Variants in CCDC88C observed in about 807,000 individuals in gnomAD.
CCDC88C encodes protein Daple.
Under a neutral mutation model 198.8 loss-of-function variants are expected in CCDC88C, and 131 were observed. That is an observed-to-expected ratio of 0.66 (90% CI 0.57 to 0.76). CCDC88C has a LOEUF of 0.76. Among genes scored for constraint, CCDC88C ranks in the 30% least tolerant of loss-of-function variants. CCDC88C has a pLI of 0.00. For synonymous variants in CCDC88C, 1,166 were observed against 1,114.7 expected (o/e 1.05, Z -0.92); for missense variants, 2,553 against 2,631.6 (o/e 0.97, Z 0.65).
chr14:91,301,467 G>T (rs1891279766), intron 20 of CCDC88C, among the ~76,000 whole-genome samples: 3 of 152,246 alleles, frequency 2.0e-5, no homozygotes, highest in Admixed American at 2.0e-4. Flanking sequence ...TATAATCCCA[G>T]CATTTTGGGA....
At chr14:91,348,900 C>G (rs1893665995) in intron 4 of CCDC88C, among the ~76,000 whole-genome samples, 1 of 152,040 alleles carries the variant, frequency 6.6e-6, no homozygotes, top group Admixed American at 6.6e-5. Flanking sequence ...ATCCTGTGAT[C>G]CCCACCCCTA....
At position 91,284,078 on chromosome 14, in the gene CCDC88C, A is replaced by G. The variant is rs1890308418; in HGVS notation, c.4442-561T>C. Among the ~76,000 whole-genome samples the G allele has an allele frequency of 6.6e-6, 1 of 152,236 alleles. No homozygotes were observed. The highest frequency in any genetic ancestry group is 2.1e-4 in the South Asian group (1 of 4,832). On this transcript the variant is annotated intron_variant, in intron 25 of 29. Transcript: ENST00000389857. This position sits in a 1 kb window ranked among gnomAD's most constrained non-coding sequence, Gnocchi z 4.1. ...ACCTTGTGTCTTGTGCTTTTCTGAA[A>G]TCTCTAACTTTTCTACCATGAACAT...
intron 3 of CCDC88C, among the ~76,000 whole-genome samples, chr14:91,392,528 A>G (rs546757177): frequency 6.6e-6 from 1 of 152,194 alleles, no homozygotes; most frequent in Non-Finnish European, 1.5e-5. Flanking sequence ...AGGCTTGTCA[A>G]AGTGGCTTTG....
At chr14:91,321,433 T>G (rs1252469769) in intron 12 of CCDC88C, 129 bp from the exon 13 acceptor site, 1 of 937,592 alleles carries the variant, frequency 1.1e-6, no homozygotes, top group African/African-American at 1.6e-5. Context: ...CTCCCACAGG[T>G]CAGCTGGGGA....
chr14:91,390,709 C>G (rs1885455900), intron 3 of CCDC88C, among the ~76,000 whole-genome samples: 1 of 152,206 alleles, frequency 6.6e-6, no homozygotes, highest in Non-Finnish European at 1.5e-5. Context: ...CATCCTATTA[C>G]AGGATTCCCA....
chr14:91,309,756 G>A lies in CCDC88C; in HGVS notation c.2864+103C>T. ...GAACCGCGTGAGGTCACAGCCCTCG[G>A]CAGTAGAGAGTTCATGGAGGTCTCA... On this transcript the variant is annotated intron_variant, in intron 16 of 29. Coordinates refer to ENST00000389857, the MANE Select transcript of CCDC88C (RefSeq NM_001080414.4). 2.4e-6 allele frequency: 3 copies of A among 1,273,384 alleles called. 1 individual carries two copies. In the South Asian group the frequency reaches 5.1e-5, roughly 22 times the overall value. The allele number at this position is 1,273,384 out of a possible 1,614,324, so 78.9% of individuals were successfully genotyped here. A position where few individuals can be genotyped will look rare whatever the true frequency, so the allele number is the denominator to read the frequency against.
In CCDC88C at chr14:91,294,338, C is replaced by T. The variant is rs367891476; in HGVS notation, c.3967-20G>A. ...GAGCAGCTAGAACACAGACCAACAG[C>T]GTCTCAGACACCATGTGACCCGGTG... On this transcript the variant is annotated intron_variant, in intron 22 of 29. Transcript: ENST00000389857. 13 of 1,612,640 alleles carry T rather than the reference C, an allele frequency of 8.1e-6. No homozygotes were observed. The highest frequency in any genetic ancestry group is 2.7e-5 in the African/African-American group (2 of 74,892).
chr14:91,394,468 G>T (rs1885717120), intron 3 of CCDC88C, among the ~76,000 whole-genome samples: 1 of 152,226 alleles, frequency 6.6e-6, no homozygotes, highest in Non-Finnish European at 1.5e-5. Flanking sequence ...GGGGCACTTT[G>T]CAGGGTCATT....
At chr14:91,331,526 G>C (rs538660864) in intron 10 of CCDC88C, among the ~76,000 whole-genome samples, 1 of 150,726 alleles carries the variant, frequency 6.6e-6, no homozygotes, top group South Asian at 2.1e-4. Flanking sequence ...ATGTGCACAC[G>C]TGTGTGTGCG....
intron 13 of CCDC88C, among the ~76,000 whole-genome samples, chr14:91,319,996 C>CAAAA: frequency 7.3e-6 from 1 of 136,198 alleles, no homozygotes; most frequent in South Asian, 2.2e-4. Flanking sequence ...TGCACTCCAG[C>CAAAA]CTGGGCAACA....
intron 3 of CCDC88C, among the ~76,000 whole-genome samples, chr14:91,395,358 T>A (rs1885781614): frequency 6.6e-6 from 1 of 152,164 alleles, no homozygotes; most frequent in African/African-American, 2.4e-5. Context: ...TGTGATCTCA[T>A]TTGAGCCTCA....
In CCDC88C at chr14:91,359,686, A is replaced by G; in HGVS notation, c.296T>C (p.Met99Thr). ...YQEVLQQLIV[M>T]NLPNVLMIGR... ...AATCATCAAAACATTGGGCAAATTC[A>G]TTACAATCAGCTGCTGGAGAACTTC... is the stretch of plus-strand genomic sequence containing the variant. The change falls in exon 4 of 30, where the codon ATG (methionine) becomes ACG (threonine). Residue 99 changes from methionine (M) to threonine (T), a missense_variant. Physicochemically the swap from Met to Thr is moderately conservative, Grantham distance 81. Coordinates refer to ENST00000389857, the MANE Select transcript of CCDC88C (RefSeq NM_001080414.4). 4 of 1,610,716 alleles carry G rather than the reference A, an allele frequency of 2.5e-6. No homozygotes were observed. In the East Asian group the frequency reaches 8.9e-5, roughly 36 times the overall value.
intron 22 of CCDC88C, among the ~76,000 whole-genome samples, chr14:91,295,031 C>G (rs1020332689): frequency 6.6e-6 from 1 of 152,044 alleles, no homozygotes; most frequent in Non-Finnish European, 1.5e-5. Context: ...GATTCCAATA[C>G]GCGACTATGA....
rs1892552623 is a variant in CCDC88C at position 91,325,631 on chromosome 14, C to T, written c.1197+279G>A. Reference sequence around the variant, plus strand: ...TTGCTCTATCACCCAGGCTGGAATGCAATGGTGTGATCACGGCTCACTGCA... The same window carrying T: ...TTGCTCTATCACCCAGGCTGGAATGTAATGGTGTGATCACGGCTCACTGCA... On this transcript the variant is annotated intron_variant, in intron 11 of 29. Coordinates refer to ENST00000389857, the MANE Select transcript of CCDC88C (RefSeq NM_001080414.4). This position sits in a 1 kb window ranked among gnomAD's most constrained non-coding sequence, Gnocchi z 4.1. Among the ~76,000 whole-genome samples, 1 of 152,120 alleles carries T rather than the reference C, an allele frequency of 6.6e-6. No homozygotes were observed. Among genetic ancestry groups the T allele is most frequent in the Non-Finnish European group, 1.5e-5 (1 of 68,034 alleles).
chr14:91,302,488 G>A (rs1157690040), intron 20 of CCDC88C, among the ~76,000 whole-genome samples: 2 of 152,186 alleles, frequency 1.3e-5, no homozygotes, highest in East Asian at 1.9e-4. Context: ...GCAGGTGCCT[G>A]GTACCATCAC....
chr14:91,400,039 C>T (rs958406114), intron 3 of CCDC88C, among the ~76,000 whole-genome samples: 1 of 152,008 alleles, frequency 6.6e-6, no homozygotes, highest in African/African-American at 2.4e-5. Flanking sequence ...CGCAGGCAGA[C>T]ATTTCCCCCG....
chr14:91,336,918 C>T (rs1596084093), intron 10 of CCDC88C, among the ~76,000 whole-genome samples: 1 of 152,230 alleles, frequency 6.6e-6, no homozygotes, highest in African/African-American at 2.4e-5. Flanking sequence ...GAGGGCAATA[C>T]GGTGCTCTGC....
At chr14:91,408,318 C>A in intron 3 of CCDC88C, 1 of 251,084 alleles carries the variant, frequency 4.0e-6, no homozygotes, top group Non-Finnish European at 7.9e-6. Flanking sequence ...CTGCGGATAA[C>A]CACCTCAGGG....
chr14:91,285,558 G>C (rs1387349233), intron 25 of CCDC88C: 2 of 1,000,992 alleles, frequency 2.0e-6, no homozygotes, highest in Non-Finnish European at 2.7e-6. Context: ...GGGGGCAGGA[G>C]GAGGGGTCCG....
Sources: allele counts gnomAD v4.1 joint callset (sites outside exome capture counted in the v4.1 genomes callset), GRCh38; gene constraint gnomAD v4.1.1; non-coding constraint Gnocchi (gnomAD v3.1); transcripts MANE v1.5; gene names NCBI Gene and HGNC (gene_info 2026-07-23, HGNC 2026-07-21).